FAM117B: variants seen among roughly 807,000 people sequenced by gnomAD.
FAM117B encodes the protein protein FAM117B.
A neutral mutation model predicts 52.8 loss-of-function variants in FAM117B; 22 were observed. That is an observed-to-expected ratio of 0.42 (90% CI 0.30 to 0.59). The LOEUF (loss-of-function observed/expected upper bound fraction) is 0.59. Among genes scored for constraint, FAM117B ranks in the 20% least tolerant of loss-of-function variants. The pLI, the probability that FAM117B is intolerant of heterozygous loss-of-function variation, is 0.22. For synonymous variants in FAM117B, 309 were observed against 324.1 expected, an observed-to-expected ratio of 0.95 and a Z score of 0.50; for missense variants, 678 against 802.6, an observed-to-expected ratio of 0.84 and a Z score of 1.88.
chr2:202,758,401 C>T (rs980507571), intron 6 of FAM117B, among the ~76,000 whole-genome samples: 5 of 152,146 alleles, frequency 3.3e-5, no homozygotes, highest in African/African-American at 2.4e-5. Context: ...TCTACTTCTA[C>T]GTCAATAACA....
At chr2:202,673,224 A>G (rs1690324210) in intron 1 of FAM117B, among the ~76,000 whole-genome samples, 1 of 152,112 alleles carries the variant, frequency 6.6e-6, no homozygotes, top group Admixed American at 6.6e-5. Context: ...GAAAGACTAC[A>G]ACGGGAGTCC....
At chr2:202,650,013 C>T (rs1232455437) in intron 1 of FAM117B, among the ~76,000 whole-genome samples, 3 of 151,950 alleles carry the variant, frequency 2.0e-5, no homozygotes, top group East Asian at 1.9e-4. Flanking sequence ...GGATTACAGA[C>T]GCCTACCACA....
At chr2:202,759,392 A>G (rs370474225) in intron 7 of FAM117B, 39 bp downstream of exon 7, 7 of 1,594,006 alleles carry the variant, frequency 4.4e-6, no homozygotes, top group Admixed American at 3.6e-5. Flanking sequence ...AAAAACTATT[A>G]TGAGCTTTTT....
At chr2:202,645,478 A>T (rs2105753685) in intron 1 of FAM117B, among the ~76,000 whole-genome samples, 1 of 143,658 alleles carries the variant, frequency 7.0e-6, no homozygotes, top group South Asian at 2.2e-4. Context: ...TTTAGTAGAG[A>T]CGGGGTTTCA....
At chr2:202,646,291 G>C (rs537958577) in intron 1 of FAM117B, among the ~76,000 whole-genome samples, 1 of 152,348 alleles carries the variant, frequency 6.6e-6, no homozygotes, top group African/African-American at 2.4e-5. Context: ...GATTATAAGC[G>C]TGAGCCGCTT....
chr2:202,644,725 G>A (rs1399238855), intron 1 of FAM117B, among the ~76,000 whole-genome samples: 2 of 152,192 alleles, frequency 1.3e-5, no homozygotes. Flanking sequence ...TTGTAGGTTG[G>A]AAATAATTTT....
intron 1 of FAM117B, among the ~76,000 whole-genome samples, chr2:202,659,366 A>G (rs1488261331): frequency 6.6e-6 from 1 of 151,862 alleles, no homozygotes; most frequent in African/African-American, 2.4e-5. Flanking sequence ...CTGGAATGCA[A>G]AAGTGTGATC....
At chr2:202,742,481 G>A (rs1278399080) in intron 4 of FAM117B, among the ~76,000 whole-genome samples, 3 of 152,114 alleles carry the variant, frequency 2.0e-5, no homozygotes, top group Non-Finnish European at 2.9e-5. Flanking sequence ...GGGACAAGTC[G>A]TAGCCATTTA....
chr2:202,716,328 T>C (rs1691056012), intron 2 of FAM117B, among the ~76,000 whole-genome samples: 1 of 152,222 alleles, frequency 6.6e-6, no homozygotes, highest in Non-Finnish European at 1.5e-5. Context: ...GTTGTTTTTA[T>C]TCATGTAGCC....
intron 1 of FAM117B, among the ~76,000 whole-genome samples, chr2:202,684,117 T>C (rs1445964136): frequency 6.6e-6 from 1 of 152,174 alleles, no homozygotes; most frequent in Non-Finnish European, 1.5e-5. Context: ...TCTGCCTGCC[T>C]CAGCCTCCCA....
intron 2 of FAM117B, among the ~76,000 whole-genome samples, chr2:202,705,227 A>G (rs1690854576): frequency 6.6e-6 from 1 of 151,972 alleles, no homozygotes; most frequent in Admixed American, 6.6e-5. Flanking sequence ...AATCGTTTGT[A>G]CCTGGGAGGT....
rs574629102 is a variant in FAM117B, at chr2:202,668,620, T to TA, written c.602-27259dup. Among the ~76,000 whole-genome samples, 321 of 147,020 alleles carry TA rather than the reference T, an allele frequency of 2.2e-3. 1 individual carries two copies. The highest frequency in any genetic ancestry group is 7.3e-3 in the African/African-American group (295 of 40,400). On this transcript the variant is annotated intron_variant, in intron 1 of 7. Transcript: ENST00000392238. Reference sequence around the variant, plus strand: ...GGGCTACAGAGTGAGATCTTGTTCCTAATAAATAAATAAATAAATAAATAA... The same window carrying TA: ...GGGCTACAGAGTGAGATCTTGTTCCTAAATAAATAAATAAATAAATAAATAA...
intron 2 of FAM117B, among the ~76,000 whole-genome samples, chr2:202,721,321 A>T (rs28603060): frequency 0.09 from 13,661 of 152,194 alleles, 2,044 homozygotes; most frequent in African/African-American, 0.31. Flanking sequence ...AAAATGTATG[A>T]AAGAGGGGTT....
At chr2:202,750,885 A>T (rs552634800) in intron 4 of FAM117B, among the ~76,000 whole-genome samples, 1 of 152,186 alleles carries the variant, frequency 6.6e-6, no homozygotes. Context: ...TTGAATAAAC[A>T]TGAAGGGGCA....
chr2:202,759,363 C>A lies in FAM117B; in HGVS notation c.1451+10C>A. On this transcript the variant is annotated intron_variant, in intron 7 of 7. Transcript: ENST00000392238. The stretch of plus-strand genomic sequence containing the variant: ...TCTTTGAGGAATGCTCGTAAGTATC[C>A]CTTCCACCATCCCCACAAAAAAACT... 3 of 1,593,780 alleles carry A rather than the reference C, an allele frequency of 1.9e-6. No individual in the cohort carries two copies. Among genetic ancestry groups the A allele is most frequent in the Non-Finnish European group, 2.6e-6 (3 of 1,174,370 alleles).
At chr2:202,677,804 T>C (rs1398644361) in intron 1 of FAM117B, among the ~76,000 whole-genome samples, 1 of 152,202 alleles carries the variant, frequency 6.6e-6, no homozygotes, top group African/African-American at 2.4e-5. Flanking sequence ...TAAATATTTA[T>C]TGAATTAACG....
chr2:202,695,282 G>C (rs1011695049), intron 1 of FAM117B, among the ~76,000 whole-genome samples: 3 of 151,210 alleles, frequency 2.0e-5, no homozygotes, highest in African/African-American at 7.3e-5. Context: ...TATGGTTTCA[G>C]TTACTTCTAG....
Position 202,757,064 on chromosome 2 carries a change from A to G in FAM117B, c.1105-149A>G. 3 of 799,264 alleles carry G rather than the reference A, an allele frequency of 3.8e-6. No homozygotes were observed. In the South Asian group the frequency reaches 5.5e-5, roughly 15 times the overall value. 49.5% of individuals were successfully genotyped at this position (799,264 alleles called of 1,614,324 possible). The stretch of plus-strand genomic sequence containing the variant: ...GGGGGTCAGATTAGACAGGGATGTC[A>G]CTAACGTGCAACATGAAATCCTAAT... On this transcript the variant is annotated intron_variant, in intron 5 of 7. Transcript: ENST00000392238.
chr2:202,645,670 C>T (rs948523906), intron 1 of FAM117B, among the ~76,000 whole-genome samples: 1 of 151,444 alleles, frequency 6.6e-6, no homozygotes. Flanking sequence ...GTGGAGAGAT[C>T]TCGGCTCACT....
Sources: allele counts gnomAD v4.1 joint callset (sites outside exome capture counted in the v4.1 genomes callset), GRCh38; gene constraint gnomAD v4.1.1; transcripts MANE v1.5; gene names NCBI Gene and HGNC (gene_info 2026-07-23, HGNC 2026-07-21).